The following CRAMP1 variants were observed in gnomAD, a reference collection of about 807,000 sequenced individuals.
CRAMP1 encodes cramped chromatin regulator 1, also known as protein cramped-like.
CRAMP1 carries 50 observed loss-of-function variants against 115.4 expected under a neutral mutation model. The observed-to-expected ratio is 0.43, with a 90% CI of 0.35 to 0.55. CRAMP1 has a LOEUF of 0.55. Among genes scored for constraint, CRAMP1 ranks in the 20% least tolerant of loss-of-function variants. The probability of loss-of-function intolerance (pLI) is 0.01; values close to 1 mark genes in which losing one functional copy is unlikely to be tolerated. For missense variants in CRAMP1, 1,679 were observed against 1,721.7 expected (o/e 0.98, Z 0.44); for synonymous variants, 866 against 745.4 (o/e 1.16, Z -2.64).
chr16:1,648,264 AGTGGAAAC>A (rs2036693373), intron 6 of CRAMP1, among the ~76,000 whole-genome samples: 1 of 152,220 alleles, frequency 6.6e-6, no homozygotes, highest in African/African-American at 2.4e-5. Context: ...AAAAATGGTG[AGTGGAAAC>A]GTCCATTTGT....
intron 2 of CRAMP1, among the ~76,000 whole-genome samples, chr16:1,617,520 G>T (rs997127400): frequency 8.5e-5 from 13 of 152,216 alleles, no homozygotes; most frequent in Non-Finnish European, 1.3e-4. Context: ...CTGTCAGGGA[G>T]GAAACGATCA....
chr16:1,661,003 C>A (rs1273278525), intron 11 of CRAMP1, among the ~76,000 whole-genome samples: 1 of 150,650 alleles, frequency 6.6e-6, no homozygotes, highest in East Asian at 2.0e-4. Context: ...AGCGAGACTC[C>A]ATCTCAAAAA....
intron 2 of CRAMP1, among the ~76,000 whole-genome samples, chr16:1,619,725 T>C (rs73499755): frequency 0.025 from 3,818 of 152,248 alleles, 179 homozygotes; most frequent in African/African-American, 0.087. Flanking sequence ...GGTCAGAGCA[T>C]GCAGGAGGAC....
At position 1,655,311 on chromosome 16, in the gene CRAMP1, C is replaced by T. The variant is rs763492040; in HGVS notation, c.1119+11C>T. 6.2e-7 allele frequency: 1 copy of T among 1,611,660 alleles called. No homozygotes were observed. The highest frequency in any genetic ancestry group is 2.2e-5 in the East Asian group (1 of 44,874). On this transcript the variant is annotated intron_variant, in intron 9 of 20. Transcript: ENST00000397412. ...CATGAGGTGCGAGTTGTATCCTTTT[C>T]CAGCTAAAGCAAACCATCCAGGCTG...
At chr16:1,648,719 G>A (rs1288276344) in intron 6 of CRAMP1, among the ~76,000 whole-genome samples, 1 of 151,994 alleles carries the variant, frequency 6.6e-6, no homozygotes, top group East Asian at 1.9e-4. Flanking sequence ...TAAAACTGCT[G>A]TGGCACTTAG....
At chr16:1,622,960 C>A (rs937982167) in intron 2 of CRAMP1, among the ~76,000 whole-genome samples, 1 of 151,982 alleles carries the variant, frequency 6.6e-6, no homozygotes, top group Admixed American at 6.6e-5. Context: ...AGGGTTTCAC[C>A]ACATTGGCCA....
rs2036400627 is a variant in CRAMP1, at chr16:1,614,617, G to A, written c.-1-22G>A. The A allele has an allele frequency of 7.3e-6, 9 of 1,225,230 alleles. No homozygotes were observed. The highest frequency in any genetic ancestry group is 9.2e-6 in the Non-Finnish European group (9 of 978,482). 75.9% of individuals were successfully genotyped at this position (1,225,230 alleles called of 1,614,324 possible). The stretch of plus-strand genomic sequence containing the variant: ...CCGGCCTGCGCCCGCCTCACCGGCC[G>A]CCTCCCCTCTCCCGGCCGCAGGATG... On this transcript the variant is annotated intron_variant, in intron 1 of 20. Transcript: ENST00000397412. The surrounding 1 kb of genome is among the most constrained non-coding windows in gnomAD (Gnocchi z 4.4).
chr16:1,632,363 A>G lies in CRAMP1; in HGVS notation c.692A>G (p.His231Arg). 1 of 1,588,932 alleles carries G rather than the reference A, an allele frequency of 6.3e-7. No individual in the cohort carries two copies. Among genetic ancestry groups the G allele is most frequent in the Non-Finnish European group, 8.6e-7 (1 of 1,168,138 alleles). The part of the protein sequence containing the change: ...HKITKYIDFD[H>R]VFSRGLKKSS... The stretch of plus-strand genomic sequence containing the variant: ...ATCACCAAGTACATCGACTTTGATC[A>G]TGGTGAGTGTGCCACGGGCCAGGCT... The change falls in exon 4 of 21, where the codon CAT becomes CGT. Residue 231 changes from histidine (H) to arginine (R), a missense_variant and splice_region_variant. Around this residue, in one of 8 missense-constraint regions of CRAMP1, gnomAD observed 42 missense variants for 42.3 expected, o/e 0.99. Coordinates refer to ENST00000397412, the MANE Select transcript of CRAMP1 (RefSeq NM_020825.4).
intron 2 of CRAMP1, among the ~76,000 whole-genome samples, chr16:1,619,177 TTTTTGTTTTTG>T (rs1393955077): frequency 2.6e-5 from 4 of 152,068 alleles, no homozygotes; most frequent in Admixed American, 2.0e-4. Flanking sequence ...GGGGTTTTGT[TTTTTGTTTTTG>T]TTTTGTTTTT....
intron 2 of CRAMP1, among the ~76,000 whole-genome samples, chr16:1,623,345 T>G (rs2142171491): frequency 6.6e-6 from 1 of 152,324 alleles, no homozygotes; most frequent in East Asian, 1.9e-4. Flanking sequence ...CCTGTGTGCC[T>G]TTGCCTCCTC....
At chr16:1,634,552 C>T (rs1487846854) in intron 4 of CRAMP1, among the ~76,000 whole-genome samples, 2 of 152,262 alleles carry the variant, frequency 1.3e-5, no homozygotes, top group South Asian at 2.1e-4. Context: ...CCCTGTGCTT[C>T]CCTCTCTTCC....
chr16:1,655,901 C>T lies in CRAMP1; in HGVS notation c.1144C>T (p.Leu382=), dbSNP rs1419402403. 1 of 1,611,062 alleles carries T rather than the reference C, an allele frequency of 6.2e-7. No individual in the cohort carries two copies. The highest frequency in any genetic ancestry group is 1.1e-5 in the South Asian group (1 of 90,964). Residue 382 remains leucine (L), a synonymous_variant, in exon 10 of 21, where the codon CTG becomes TTG. Coordinates refer to ENST00000397412, the MANE Select transcript of CRAMP1 (RefSeq NM_020825.4). ...RVRKTLEERQ[L]QDSCSAPMQE... ...GCGGAAGACACTCGAGGAGCGGCAG[C>T]TGCAGGACTCATGCTCCGCACCGAT...
chr16:1,653,801 A>G, intron 8 of CRAMP1, among the ~76,000 whole-genome samples: 1 of 145,380 alleles, frequency 6.9e-6, no homozygotes, highest in Non-Finnish European at 1.5e-5. Flanking sequence ...AGCCTGGGTG[A>G]TAGAGCAAGA....
In CRAMP1 at chr16:1,665,152, G is replaced by A; in HGVS notation, c.2752+14G>A. On this transcript the variant is annotated intron_variant, in intron 14 of 20. Transcript: ENST00000397412. ...CTTCCGTAACTGGTAAGGACCCTGA[G>A]CTTTTCTGGGGTAGCTTGTCCCTCC... is the stretch of plus-strand genomic sequence containing the variant. 2 of 1,571,622 alleles carry A rather than the reference G, an allele frequency of 1.3e-6. No individual in the cohort carries two copies. The highest frequency in any genetic ancestry group is 1.1e-5 in the South Asian group (1 of 90,220).
At chr16:1,644,807 T>C (rs1364177838) in intron 6 of CRAMP1, among the ~76,000 whole-genome samples, 1 of 152,156 alleles carries the variant, frequency 6.6e-6, no homozygotes, top group East Asian at 1.9e-4. Context: ...TCGTTCCCTG[T>C]GGAGAAGAGA....
chr16:1,648,432 C>T (rs142831644), intron 6 of CRAMP1, among the ~76,000 whole-genome samples: 152 of 151,932 alleles, frequency 1.0e-3, no homozygotes, highest in African/African-American at 3.4e-3. Flanking sequence ...GGAGAAACCC[C>T]GTCTCTACTA....
At chr16:1,662,344 A>C (rs2036839214) in intron 11 of CRAMP1, 146 bp from the exon 12 acceptor site, 2 of 650,512 alleles carry the variant, frequency 3.1e-6, no homozygotes, top group Non-Finnish European at 2.7e-6. Flanking sequence ...TTTATGTGGG[A>C]CTGAGATAGA....
At chr16:1,670,615 C>G (rs1259019314) in intron 19 of CRAMP1, 49 bp from the exon 20 acceptor site, 2 of 1,604,746 alleles carry the variant, frequency 1.2e-6, no homozygotes, top group East Asian at 2.2e-5. Flanking sequence ...CTGGACTGGT[C>G]CAGACCAAGC....
intron 3 of CRAMP1, among the ~76,000 whole-genome samples, chr16:1,631,968 C>G (rs2036550926): frequency 6.6e-6 from 1 of 152,186 alleles, no homozygotes; most frequent in African/African-American, 2.4e-5. Context: ...GTGCTTGCCT[C>G]TTTGGTATCC....
Sources: gnomAD v4.1 joint callset for allele counts (sites outside exome capture counted in the v4.1 genomes callset) on GRCh38, gnomAD v4.1.1 for gene constraint, gnomAD v4.1.1 regional missense constraint, Gnocchi (gnomAD v3.1) non-coding constraint, MANE v1.5 for transcripts, NCBI Gene and HGNC (gene_info 2026-07-23, HGNC 2026-07-21) for gene names.